ANKRD36: variants seen among roughly 807,000 people sequenced by gnomAD.
ANKRD36 encodes ankyrin repeat domain-containing protein 36A.
ANKRD36 carries 179 observed loss-of-function variants against 278.1 expected under a neutral mutation model. That is an observed-to-expected ratio of 0.64 (90% confidence interval 0.57 to 0.73). The LOEUF (loss-of-function observed/expected upper bound fraction) is 0.73. Ranked by LOEUF, ANKRD36 falls within the 30% of genes least tolerant of loss-of-function variation. The pLI is 0.00. For missense variants in ANKRD36, 1,159 were observed against 1,956.7 expected (o/e 0.59, Z 7.69); for synonymous variants, 320 against 641.1 (o/e 0.50, Z 7.57).
intron 17 of ANKRD36, among the ~76,000 whole-genome samples, chr2:97,161,001 C>T (rs2048726829): frequency 6.6e-6 from 1 of 151,892 alleles, no homozygotes; most frequent in African/African-American, 2.4e-5. Context: ...TTTTGAATCC[C>T]ATATTTTGTT....
intron 67 of ANKRD36, among the ~76,000 whole-genome samples, chr2:97,230,969 C>G (rs1478749169): frequency 1.3e-5 from 2 of 152,084 alleles, no homozygotes; most frequent in Non-Finnish European, 2.9e-5. Context: ...TCATGAACCG[C>G]GAATGCTGCT....
intron 10 of ANKRD36, 68 bp downstream of exon 10, chr2:97,144,780 T>C (rs1459190685): frequency 2.6e-6 from 4 of 1,514,420 alleles, no homozygotes; most frequent in Non-Finnish European, 3.5e-6. Flanking sequence ...CCCAAATAAA[T>C]CAGCAGGGGG....
At position 97,209,586 on chromosome 2, in the gene ANKRD36, C is replaced by T. The variant is rs573049714; in HGVS notation, c.3266-95C>T. 1.0e-4 allele frequency: 164 copies of T among 1,569,238 alleles called. 18 individuals are homozygous for T. The East Asian group carries it at 3.8e-3, about 36-fold the overall frequency. On this transcript the variant is annotated intron_variant, in intron 54 of 75. Coordinates refer to ENST00000420699, the MANE Select transcript of ANKRD36 (RefSeq NM_001354587.1). ...CCATCAAAGCCTCCACTAATACAGG[C>T]AGGAGGACAGAGGTTGATGCTAACA...
At chr2:97,180,352 C>T (rs1397680990) in intron 24 of ANKRD36, among the ~76,000 whole-genome samples, 1 of 151,452 alleles carries the variant, frequency 6.6e-6, no homozygotes, top group Non-Finnish European at 1.5e-5. Context: ...AGAACGAGAG[C>T]TAAGAAGACC....
chr2:97,240,091 TCTA>T (rs1486645865), intron 68 of ANKRD36, among the ~76,000 whole-genome samples: 1 of 81,854 alleles, frequency 1.2e-5, no homozygotes, highest in Non-Finnish European at 2.1e-5. Flanking sequence ...AATTTGTGTC[TCTA>T]CAAGTATGGT....
At chr2:97,197,312 C>T (rs2060052870) in intron 42 of ANKRD36, among the ~76,000 whole-genome samples, 2 of 151,904 alleles carry the variant, frequency 1.3e-5, no homozygotes, top group Admixed American at 6.6e-5. Flanking sequence ...GCTGAGGAAA[C>T]CTGAGTGAAC....
At chr2:97,200,212 A>T in intron 44 of ANKRD36, 122 bp from the exon 45 acceptor site, 1 of 1,566,846 alleles carries the variant, frequency 6.4e-7, no homozygotes, top group Non-Finnish European at 8.6e-7. Context: ...ACAAAGTAGA[A>T]GCCATCAAAG....
chr2:97,146,016 T>G (rs2044146304), intron 10 of ANKRD36, among the ~76,000 whole-genome samples: 1 of 152,110 alleles, frequency 6.6e-6, no homozygotes, highest in Non-Finnish European at 1.5e-5. Context: ...TGATGTCTTG[T>G]ATGAAAGATA....
intron 67 of ANKRD36, among the ~76,000 whole-genome samples, chr2:97,225,856 A>G (rs1369801698): frequency 2.0e-5 from 3 of 148,500 alleles, no homozygotes; most frequent in African/African-American, 7.5e-5. Flanking sequence ...ATTCCCACCT[A>G]TGAGTGAGAA....
chr2:97,206,230 A>G, intron 52 of ANKRD36, 95 bp downstream of exon 52: 3 of 1,300,022 alleles, frequency 2.3e-6, no homozygotes, highest in South Asian at 3.0e-5. Flanking sequence ...TCGAAGCTGC[A>G]CTTTCTGATT....
Position 97,200,365 on chromosome 2 carries a change from A to C in ANKRD36, c.2784+3A>C. ...CTCGGAAAAAACCATCCTTGGAGGT[A>C]ATGAAACTCTCATTCATATTGTGAG... is the stretch of plus-strand genomic sequence containing the variant. On this transcript the variant is annotated splice_donor_region_variant and intron_variant, in intron 45 of 75. Coordinates refer to ENST00000420699, the MANE Select transcript of ANKRD36 (RefSeq NM_001354587.1). 6.2e-7 allele frequency: 1 copy of C among 1,605,952 alleles called. No individual in the cohort carries two copies. The highest frequency in any genetic ancestry group is 8.5e-7 in the Non-Finnish European group (1 of 1,178,696).
chr2:97,217,413 A>G (rs1383835588), intron 64 of ANKRD36, 41 bp downstream of exon 64: 10 of 1,548,586 alleles, frequency 6.5e-6, no homozygotes, highest in East Asian at 2.5e-5. Flanking sequence ...TGCACTCAAG[A>G]TAGAAGACAA....
rs1246560763 is a variant in ANKRD36, at chr2:97,123,798, T to C, written c.594-662T>C. 8.2e-5 allele frequency among the ~76,000 whole-genome samples: 12 copies of C among 146,450 alleles called. No individual in the cohort carries two copies. In the East Asian group the frequency reaches 2.0e-3, roughly 24 times the overall value. On this transcript the variant is annotated intron_variant, in intron 4 of 75. Coordinates refer to ENST00000420699, the MANE Select transcript of ANKRD36 (RefSeq NM_001354587.1). Reference sequence around the variant, plus strand: ...TATAATATATACAATATATACTTTATAGATAATATATAATACACTATATAT... The same window carrying C: ...TATAATATATACAATATATACTTTACAGATAATATATAATACACTATATAT...
At chr2:97,213,844 T>C (rs1483093273) in intron 60 of ANKRD36, among the ~76,000 whole-genome samples, 9 of 151,794 alleles carry the variant, frequency 5.9e-5, no homozygotes. Flanking sequence ...AGAAGAAATA[T>C]GGAGAGCAGT....
rs1251174527 is a variant in ANKRD36, at chr2:97,192,906, T to C, written c.2376+20T>C. 2.5e-6 allele frequency: 4 copies of C among 1,603,328 alleles called. No individual in the cohort carries two copies. Among genetic ancestry groups the C allele is most frequent in the Middle Eastern group, 1.7e-4 (1 of 5,720 alleles). On this transcript the variant is annotated intron_variant, in intron 37 of 75. Coordinates refer to ENST00000420699, the MANE Select transcript of ANKRD36 (RefSeq NM_001354587.1). ...TTGACGGTAATGAAACACTCATTTATATTGTGAATGAGTTAAGGTATGGTC... is the reference window on the plus strand; with the variant it reads ...TTGACGGTAATGAAACACTCATTTACATTGTGAATGAGTTAAGGTATGGTC...
At chr2:97,202,071 C>T in intron 46 of ANKRD36, 131 bp from the exon 47 acceptor site, 17 of 1,535,510 alleles carry the variant, frequency 1.1e-5, no homozygotes, top group Non-Finnish European at 1.5e-5. Flanking sequence ...TCCCCAGACA[C>T]AAAGTAGAAG....
chr2:97,191,194 A>G lies in ANKRD36; in HGVS notation c.2347+13A>G. 6.3e-7 allele frequency: 1 copy of G among 1,579,162 alleles called. No individual in the cohort carries two copies. On this transcript the variant is annotated intron_variant, in intron 36 of 75. Coordinates refer to ENST00000420699, the MANE Select transcript of ANKRD36 (RefSeq NM_001354587.1). ...AAATCTGGGACAGGTAATTTTGCAA[A>G]AGACATTTAATGTCATATTCAGTCC...
chr2:97,182,676 G>T (rs1332528362), intron 26 of ANKRD36, among the ~76,000 whole-genome samples: 2 of 150,790 alleles, frequency 1.3e-5, no homozygotes, highest in African/African-American at 2.4e-5. Context: ...AATATTGGAG[G>T]GATTTCCAAA....
chr2:97,132,099 T>G (rs1290911117), intron 6 of ANKRD36, among the ~76,000 whole-genome samples: 2 of 151,622 alleles, frequency 1.3e-5, no homozygotes, highest in African/African-American at 4.8e-5. Flanking sequence ...AGTGTTTGGA[T>G]TACAGGTGTG....
Sources: allele counts gnomAD v4.1 joint callset (sites outside exome capture counted in the v4.1 genomes callset), GRCh38; gene constraint gnomAD v4.1.1; transcripts MANE v1.5; gene names NCBI Gene and HGNC (gene_info 2026-07-23, HGNC 2026-07-21).